Variants in SRRM4 observed in about 807,000 individuals in gnomAD.
SRRM4 encodes the protein serine/arginine repetitive matrix protein 4.
Under a neutral mutation model 68.9 loss-of-function variants are expected in SRRM4, and 33 were observed. The observed-to-expected ratio is 0.48, with a 90% CI of 0.36 to 0.64. SRRM4 has a LOEUF of 0.64. Among genes scored for constraint, SRRM4 ranks in the 30% least tolerant of loss-of-function variants. The pLI, the probability that SRRM4 is intolerant of heterozygous loss-of-function variation, is 0.00. For missense variants in SRRM4, 817 were observed against 827.1 expected, an observed-to-expected ratio of 0.99 and a Z score of 0.15; for synonymous variants, 318 against 318.8, an observed-to-expected ratio of 1.00 and a Z score of 0.03.
intron 2 of SRRM4, among the ~76,000 whole-genome samples, chr12:119,104,976 C>A (rs1435129724): frequency 8.4e-6 from 1 of 118,450 alleles, no homozygotes; most frequent in African/African-American, 3.2e-5. Flanking sequence ...CCCCTCCCCC[C>A]ACCCCACAAC....
At chr12:118,992,302 GT>G (rs1394103429) in intron 1 of SRRM4, 1 of 152,166 alleles carries the variant, frequency 6.6e-6, no homozygotes, top group Middle Eastern at 3.2e-3. Flanking sequence ...GTTCTCTCTG[GT>G]GACCCCACCC....
At chr12:119,127,736 A>AAAG (rs1555220393) in intron 7 of SRRM4, among the ~76,000 whole-genome samples, 113 of 143,092 alleles carry the variant, frequency 7.9e-4, no homozygotes, top group African/African-American at 1.9e-3. Flanking sequence ...CTCAAAAAAA[A>AAAG]AAAAGAAAAG....
In SRRM4 at chr12:119,134,382, T is replaced by TAA. The variant is rs55867545; in HGVS notation, c.771+3563_771+3564dup. Among the ~76,000 whole-genome samples, 752 of 116,408 alleles carry TAA rather than the reference T, an allele frequency of 6.5e-3. 25 individuals carry two copies. In the East Asian group the frequency reaches 0.098, roughly 15 times the overall value. The allele number at this position is 116,408 out of a possible 152,430, so 76.4% of individuals were successfully genotyped here. ...AGGTACTGGGGAGGCAGAGAGATTG[T>TAA]AAAAAAAAAAAAAAAAGAAGAAAAG... On this transcript the variant is annotated intron_variant, in intron 8 of 12. Transcript: ENST00000267260.
chr12:119,048,583 C>A (rs1380566907), intron 1 of SRRM4, among the ~76,000 whole-genome samples: 1 of 152,018 alleles, frequency 6.6e-6, no homozygotes, highest in Non-Finnish European at 1.5e-5. Flanking sequence ...TACACCTGGA[C>A]GTTTGAATTC....
chr12:119,153,719 C>G (rs1954454380), intron 11 of SRRM4, 70 bp downstream of exon 11: 1 of 1,129,436 alleles, frequency 8.9e-7, no homozygotes, highest in Admixed American at 2.1e-5. Flanking sequence ...TCCTCTCTGG[C>G]CCCGCCTCCC....
At chr12:119,008,802 A>T (rs1000214129) in intron 1 of SRRM4, among the ~76,000 whole-genome samples, 1 of 151,538 alleles carries the variant, frequency 6.6e-6, no homozygotes, top group Non-Finnish European at 1.5e-5. Context: ...TTCCTCCACC[A>T]GCTCTCCGGC....
rs186389339 is a variant in SRRM4 at position 119,050,323 on chromosome 12, G to C, written c.132-51913G>C. On this transcript the variant is annotated intron_variant, in intron 1 of 12. Coordinates refer to ENST00000267260, the MANE Select transcript of SRRM4 (RefSeq NM_194286.4). ...CTGGATTTGTTTGATCTCCTTTCAAGAAGTAGTTGTGATCACCTACATGTG... is the reference window on the plus strand; with the variant it reads ...CTGGATTTGTTTGATCTCCTTTCAACAAGTAGTTGTGATCACCTACATGTG... Among the ~76,000 whole-genome samples the C allele has an allele frequency of 1.2e-4, 19 of 152,342 alleles. No homozygotes were observed. In the East Asian group the frequency reaches 3.5e-3, roughly 28 times the overall value.
chr12:119,069,956 G>C (rs1319617703), intron 1 of SRRM4, among the ~76,000 whole-genome samples: 1 of 152,172 alleles, frequency 6.6e-6, no homozygotes, highest in African/African-American at 2.4e-5. Context: ...GGTAGAGTGA[G>C]CCAGGTGGAG....
intron 1 of SRRM4, among the ~76,000 whole-genome samples, chr12:119,054,031 C>T (rs1434274132): frequency 1.3e-5 from 2 of 152,194 alleles, no homozygotes; most frequent in Non-Finnish European, 2.9e-5. Context: ...CCGCTACCAA[C>T]CTCCCCACTA....
chr12:119,089,434 A>T (rs906987490), intron 1 of SRRM4, among the ~76,000 whole-genome samples: 14 of 152,212 alleles, frequency 9.2e-5, no homozygotes, highest in Admixed American at 5.2e-4. Context: ...TGGAGGAGGC[A>T]TTTCCTACAG....
intron 4 of SRRM4, among the ~76,000 whole-genome samples, chr12:119,117,934 AACAAAGGATAT>A (rs968033356): frequency 2.6e-5 from 4 of 152,056 alleles, no homozygotes; most frequent in Non-Finnish European, 5.9e-5. Context: ...CAAACAAACA[AACAAAGGATAT>A]ACAACAGAGG....
At chr12:119,132,059 C>T (rs756749277) in intron 8 of SRRM4, among the ~76,000 whole-genome samples, 4 of 152,134 alleles carry the variant, frequency 2.6e-5, no homozygotes, top group African/African-American at 9.7e-5. Flanking sequence ...CCAGCATAAC[C>T]AAGGTCTAAT....
At chr12:119,125,536 C>G in intron 7 of SRRM4, 57 bp downstream of exon 7, 1 of 1,454,040 alleles carries the variant, frequency 6.9e-7, no homozygotes, top group Non-Finnish European at 9.6e-7. Flanking sequence ...CAGGCTAAGA[C>G]ACTGTTAACA....
At chr12:119,027,489 G>A (rs558057047) in intron 1 of SRRM4, among the ~76,000 whole-genome samples, 55 of 152,096 alleles carry the variant, frequency 3.6e-4, no homozygotes, top group Admixed American at 2.0e-3. Context: ...TATCTTTTAA[G>A]ATATTAATAT....
intron 1 of SRRM4, among the ~76,000 whole-genome samples, chr12:119,091,641 G>T (rs190063990): frequency 6.0e-4 from 92 of 152,306 alleles, no homozygotes; most frequent in South Asian, 6.2e-4. Flanking sequence ...TAAAGTGATT[G>T]CAATTTGCGG....
At chr12:119,047,050 G>A (rs1022470509) in intron 1 of SRRM4, among the ~76,000 whole-genome samples, 3 of 108,768 alleles carry the variant, frequency 2.8e-5, no homozygotes, top group African/African-American at 6.8e-5. Flanking sequence ...AAAAAAAAAA[G>A]TGTGGACTCT....
At chr12:119,136,193 G>T (rs538286355) in intron 8 of SRRM4, among the ~76,000 whole-genome samples, 1 of 152,158 alleles carries the variant, frequency 6.6e-6, no homozygotes, top group Non-Finnish European at 1.5e-5. Flanking sequence ...AAGATCGCAG[G>T]TGAACTTCAC....
At chr12:118,984,782 G>T (rs1483044869) in intron 1 of SRRM4, among the ~76,000 whole-genome samples, 1 of 152,050 alleles carries the variant, frequency 6.6e-6, no homozygotes, top group Non-Finnish European at 1.5e-5. Context: ...CCAGATGTCT[G>T]CCTCAAATGT....
chr12:119,058,518 T>A (rs567158325), intron 1 of SRRM4, among the ~76,000 whole-genome samples: 81 of 152,310 alleles, frequency 5.3e-4, no homozygotes, highest in African/African-American at 1.8e-3. Context: ...GGAAATGGAA[T>A]TTAGGTACTT....
Sources: allele counts gnomAD v4.1 joint callset (sites outside exome capture counted in the v4.1 genomes callset), GRCh38; gene constraint gnomAD v4.1.1; transcripts MANE v1.5; gene names NCBI Gene and HGNC (gene_info 2026-07-23, HGNC 2026-07-21).